The following KRTAP4-6 variants were observed in gnomAD, a reference collection of about 807,000 sequenced individuals.
KRTAP4-6 encodes keratin associated protein 4-6, also known as keratin-associated protein 4-6.
A neutral mutation model predicts 3.6 loss-of-function variants in KRTAP4-6; 1 was observed. That is an observed-to-expected ratio of 0.28 (90% CI 0.10 to 1.32). The LOEUF (loss-of-function observed/expected upper bound fraction) is 1.32. KRTAP4-6 is among the 40% of genes most tolerant of loss of function. KRTAP4-6 has a pLI of 0.45. For missense variants in KRTAP4-6, 275 were observed against 280.3 expected (o/e 0.98, Z 0.14); for synonymous variants, 97 against 96.7 (o/e 1.00, Z -0.02).
chr17:41,139,837 C>A, exon 1 of KRTAP4-6: 2 of 1,547,992 alleles, frequency 1.3e-6, no homozygotes, highest in Non-Finnish European at 8.7e-7. Flanking sequence ...GAGGAGTGAG[C>A]TGAAGGGGAG....
At position 41,140,124 on chromosome 17, in the gene KRTAP4-6, A is replaced by G. The variant is rs780376351; in HGVS notation, c.364T>C (p.Ser122Pro). The G allele has an allele frequency of 4.1e-6, 6 of 1,452,646 alleles. No individual in the cohort carries two copies. In the South Asian group the frequency reaches 7.6e-5, roughly 18 times the overall value. The allele number at this position is 1,452,646 out of a possible 1,614,324, so 90.0% of individuals were successfully genotyped here. The change falls in exon 1 of 1, where the codon TCC becomes CCC. Residue 122 changes from serine to proline, a missense_variant. Physicochemically the swap from Ser to Pro is moderately conservative, Grantham distance 74 (BLOSUM62 -1). Coordinates refer to ENST00000345847, the Ensembl canonical transcript of KRTAP4-6. Reference sequence around the variant, plus strand: ...CAGCACTGGGACCTGCAGCACCTGGACACACAGCAGCTGGGGCGACAGCAG... The same window carrying G: ...CAGCACTGGGACCTGCAGCACCTGGGCACACAGCAGCTGGGGCGACAGCAG...
chr17:41,140,345 G>A (rs1450505338), exon 1 of KRTAP4-6: 3 of 1,613,344 alleles, frequency 1.9e-6, no homozygotes, highest in East Asian at 4.5e-5. Flanking sequence ...GCAGCACTGG[G>A]GTCTGCAGCA....
exon 1 of KRTAP4-6, chr17:41,139,912 G>A (rs1401872785): frequency 3.1e-6 from 5 of 1,600,818 alleles, no homozygotes; most frequent in East Asian, 2.3e-5. Flanking sequence ...GGGGGCAGGT[G>A]GAAATGACAC....
At chr17:41,139,973 C>A in exon 1 of KRTAP4-6, 1 of 1,610,138 alleles carries the variant, frequency 6.2e-7, no homozygotes, top group Non-Finnish European at 8.5e-7. Flanking sequence ...ACAGACTGGA[C>A]GCAGGCAGCA....
At chr17:41,139,772 T>C in exon 1 of KRTAP4-6, 22 of 1,471,230 alleles carry the variant, frequency 1.5e-5, no homozygotes, top group Non-Finnish European at 1.8e-5. Flanking sequence ...GAAACACAGT[T>C]GGTGGGAATG....
At chr17:41,140,218 G>A in exon 1 of KRTAP4-6, 1 of 1,588,220 alleles carries the variant, frequency 6.3e-7, no homozygotes. Flanking sequence ...ACTGGGGTCT[G>A]CAGCAGCTGG....
chr17:41,139,845 G>T, exon 1 of KRTAP4-6: 1 of 1,555,568 alleles, frequency 6.4e-7, no homozygotes, highest in Non-Finnish European at 8.7e-7. Flanking sequence ...AGCTGAAGGG[G>T]AGGAGATAGT....
In KRTAP4-6 at chr17:41,139,932, G is replaced by A. The variant is rs760040552; in HGVS notation, c.556C>T (p.Arg186Cys). The change falls in exon 1 of 1, where the codon CGC becomes TGC. Residue 186 changes from arginine (R) to cysteine (C), a missense_variant. By Grantham distance (180) the Arg-to-Cys change is radical. Transcript: ENST00000345847. ...CAGGTGGAAATGACACAGGTTGGGC[G>A]ATAGCAAGTGGTGTGGCAGGAGACT... 25 of 1,605,426 alleles carry A rather than the reference G, an allele frequency of 1.6e-5. No homozygotes were observed. Among genetic ancestry groups the A allele is most frequent in the African/African-American group, 6.7e-5 (5 of 74,768 alleles).
At chr17:41,139,732 CATATATCCTAGATATATGTCCAGGAT>C in exon 1 of KRTAP4-6, 1 of 1,236,402 alleles carries the variant, frequency 8.1e-7, no homozygotes, top group Non-Finnish European at 1.1e-6. Flanking sequence ...ATAGCCAGGA[CATATATCCTAGATATATGTCCAGGAT>C]ATGGAAACAC....
At chr17:41,139,882 G>C (rs1357206177) in exon 1 of KRTAP4-6, 1 of 1,586,276 alleles carries the variant, frequency 6.3e-7, no homozygotes, top group Non-Finnish European at 8.6e-7. Context: ...AGCAGCAAGA[G>C]GAGGCACAGC....
At chr17:41,140,043 A>G (rs769169837) in exon 1 of KRTAP4-6, 44 of 1,612,854 alleles carry the variant, frequency 2.7e-5, no homozygotes, top group Non-Finnish European at 3.5e-5. Context: ...GGGCGGCAGC[A>G]GCTGGAGATG....
exon 1 of KRTAP4-6, chr17:41,139,855 T>C (rs1307886746): frequency 6.4e-7 from 1 of 1,562,132 alleles, no homozygotes; most frequent in South Asian, 1.2e-5. Flanking sequence ...GAGGAGATAG[T>C]TTCAGGCAAG....
exon 1 of KRTAP4-6, chr17:41,139,991 C>A (rs369876116): frequency 3.8e-6 from 6 of 1,586,128 alleles, no homozygotes; most frequent in Non-Finnish European, 5.2e-6. Context: ...GCAGCAGGGG[C>A]GGCAGCAGCA....
chr17:41,139,669 AT>A, exon 1 of KRTAP4-6: 1 of 825,590 alleles, frequency 1.2e-6, no homozygotes, highest in South Asian at 2.1e-5. Flanking sequence ...CTTTCTGTAA[AT>A]AATATCTAAT....
chr17:41,140,119 C>T, exon 1 of KRTAP4-6: 1 of 1,427,766 alleles, frequency 7.0e-7, no homozygotes, highest in Non-Finnish European at 9.4e-7. Flanking sequence ...ACCTGCAGCA[C>T]CTGGACACAC....
chr17:41,139,845 G>A, exon 1 of KRTAP4-6: 6 of 1,555,568 alleles, frequency 3.9e-6, no homozygotes, highest in Non-Finnish European at 5.2e-6. Context: ...AGCTGAAGGG[G>A]AGGAGATAGT....
chr17:41,140,473 A>T lies in KRTAP4-6; in HGVS notation c.15T>A (p.Cys5Ter). The T allele has an allele frequency of 6.2e-7, 1 of 1,612,530 alleles. No homozygotes were observed. Among genetic ancestry groups the T allele is most frequent in the Middle Eastern group, 1.7e-4 (1 of 6,050 alleles). The stretch of plus-strand genomic sequence containing the variant: ...CCTGGTCAGAGCAGACGGAACCACA[A>T]CAGGAGCTGACCATGGTGTCAGAGG... The change falls in exon 1 of 1, where the codon TGT (cysteine) becomes TGA (stop). Residue 5 changes from cysteine (C) to a stop codon, truncating the protein, a stop_gained. Coordinates refer to ENST00000345847, the Ensembl canonical transcript of KRTAP4-6. LOFTEE classifies it low-confidence loss of function (END_TRUNC).
chr17:41,139,669 A>G, exon 1 of KRTAP4-6: 1 of 825,590 alleles, frequency 1.2e-6, no homozygotes, highest in Non-Finnish European at 1.8e-6. Flanking sequence ...CTTTCTGTAA[A>G]TAATATCTAA....
At chr17:41,140,341 C>T in exon 1 of KRTAP4-6, 1 of 1,609,888 alleles carries the variant, frequency 6.2e-7, no homozygotes, top group South Asian at 1.1e-5. Flanking sequence ...ACTGGCAGCA[C>T]TGGGGTCTGC....
Sources: gnomAD v4.1 joint callset for allele counts on GRCh38, gnomAD v4.1.1 for gene constraint, MANE v1.5 for transcripts, NCBI Gene and HGNC (gene_info 2026-07-23, HGNC 2026-07-21) for gene names.